Variants in CLSTN2 observed in about 807,000 individuals in gnomAD.
CLSTN2 encodes the protein calsyntenin 2.
In CLSTN2, 48 loss-of-function variants were observed where a neutral mutation model predicts 101.2. The ratio of observed to expected loss-of-function variants is 0.47; its 90% CI spans 0.38 to 0.60. The LOEUF is 0.60. CLSTN2 is among the 20% of genes least tolerant of loss of function. CLSTN2 has a pLI of 0.00. For synonymous variants in CLSTN2, 481 were observed against 463.6 expected (o/e 1.04, Z -0.48); for missense variants, 1,160 against 1,238.2 (o/e 0.94, Z 0.95).
At chr3:140,563,039 G>T (rs779385654) in intron 14 of CLSTN2, 41 bp from the exon 15 acceptor site, 2 of 1,612,212 alleles carry the variant, frequency 1.2e-6, no homozygotes, top group South Asian at 1.1e-5. Context: ...TGGCCCACCT[G>T]CCACTCCTGG....
intron 2 of CLSTN2, among the ~76,000 whole-genome samples, chr3:140,343,636 A>G (rs2107937677): frequency 6.6e-6 from 1 of 152,350 alleles, no homozygotes; most frequent in South Asian, 2.1e-4. Context: ...TCTATATTAG[A>G]AGCTTGTGAG....
At chr3:139,953,931 T>TTGTGTGTGTGTGTGTGTGTGTGTGTG in intron 1 of CLSTN2, among the ~76,000 whole-genome samples, 1 of 147,494 alleles carries the variant, frequency 6.8e-6, no homozygotes, top group African/African-American at 2.5e-5. Flanking sequence ...GTGTGTGTGT[T>TTGTGTGTGTGTGTGTGTGTGTGTGTG]TGTGTGTGTG....
chr3:140,415,127 A>C (rs975382069), intron 4 of CLSTN2, among the ~76,000 whole-genome samples: 1 of 152,102 alleles, frequency 6.6e-6, no homozygotes, highest in Admixed American at 6.6e-5. Context: ...AAAACTGGAT[A>C]TCCACAAGCA....
intron 1 of CLSTN2, among the ~76,000 whole-genome samples, chr3:140,107,497 G>C (rs1330389853): frequency 6.6e-6 from 1 of 152,176 alleles, no homozygotes; most frequent in African/African-American, 2.4e-5. Context: ...CTCAATGTGA[G>C]TGCAGACTCA....
At chr3:140,554,568 T>G (rs1174132498) in intron 10 of CLSTN2, among the ~76,000 whole-genome samples, 1 of 152,216 alleles carries the variant, frequency 6.6e-6, no homozygotes, top group Non-Finnish European at 1.5e-5. Flanking sequence ...GGAAGGAGTA[T>G]GTGTTGATAT....
At chr3:140,467,039 C>A (rs1158915197) in intron 8 of CLSTN2, among the ~76,000 whole-genome samples, 1 of 152,170 alleles carries the variant, frequency 6.6e-6, no homozygotes, top group Non-Finnish European at 1.5e-5. Flanking sequence ...ATCCCCAGGC[C>A]CAGTTACGAT....
intron 2 of CLSTN2, among the ~76,000 whole-genome samples, chr3:140,191,327 G>T (rs1451490143): frequency 6.6e-6 from 1 of 151,864 alleles, no homozygotes; most frequent in Non-Finnish European, 1.5e-5. Context: ...GTTTTAGTGA[G>T]AATTTTTTAA....
At chr3:140,107,390 T>A (rs2009077698) in intron 1 of CLSTN2, among the ~76,000 whole-genome samples, 1 of 152,104 alleles carries the variant, frequency 6.6e-6, no homozygotes, top group African/African-American at 2.4e-5. Context: ...TAGGAACAGT[T>A]CCTGATGTCA....
At chr3:140,454,302 T>C (rs1355734645) in intron 6 of CLSTN2, 1 of 152,246 alleles carries the variant, frequency 6.6e-6, no homozygotes, top group Non-Finnish European at 1.5e-5. Context: ...TAGGTATCCA[T>C]GGCTCTCACT....
At chr3:139,940,122 C>A (rs1482750143) in intron 1 of CLSTN2, among the ~76,000 whole-genome samples, 1 of 152,216 alleles carries the variant, frequency 6.6e-6, no homozygotes, top group Non-Finnish European at 1.5e-5. Flanking sequence ...GTGCTAGAGG[C>A]TCATTCTGAC....
intron 2 of CLSTN2, among the ~76,000 whole-genome samples, chr3:140,286,876 G>A (rs142828839): frequency 1.0e-3 from 152 of 152,278 alleles, no homozygotes; most frequent in Admixed American, 1.9e-3. Context: ...GGAGGTAAGC[G>A]ATGATGTTTC....
intron 1 of CLSTN2, among the ~76,000 whole-genome samples, chr3:139,968,754 T>C (rs1315577741): frequency 1.3e-5 from 2 of 152,198 alleles, no homozygotes; most frequent in Non-Finnish European, 2.9e-5. Context: ...AGGTAGAATA[T>C]ATTGCTGCAT....
chr3:140,486,435 C>T (rs1009834684), intron 8 of CLSTN2, among the ~76,000 whole-genome samples: 2 of 151,954 alleles, frequency 1.3e-5, no homozygotes, highest in South Asian at 2.1e-4. Flanking sequence ...AGAACAACAA[C>T]AAAAAAAGGA....
intron 1 of CLSTN2, among the ~76,000 whole-genome samples, chr3:140,111,793 A>T (rs185967610): frequency 6.3e-4 from 96 of 152,272 alleles, no homozygotes; most frequent in Middle Eastern, 3.4e-3. Flanking sequence ...TCATTTATAG[A>T]CTGCCCCCTC....
intron 1 of CLSTN2, among the ~76,000 whole-genome samples, chr3:139,941,704 G>A (rs951717088): frequency 6.6e-6 from 1 of 152,164 alleles, no homozygotes; most frequent in Admixed American, 6.5e-5. Context: ...TCAGGGGCAG[G>A]GGTTTGCACT....
intron 4 of CLSTN2, among the ~76,000 whole-genome samples, chr3:140,407,347 G>C (rs950524893): frequency 6.6e-6 from 1 of 152,126 alleles, no homozygotes; most frequent in African/African-American, 2.4e-5. Context: ...CTCTGCTTGT[G>C]GGGTAAAGAA....
At chr3:140,325,381 T>C (rs541219147) in intron 2 of CLSTN2, among the ~76,000 whole-genome samples, 5 of 152,300 alleles carry the variant, frequency 3.3e-5, no homozygotes, top group Admixed American at 1.3e-4. Flanking sequence ...AGGGCCAGTA[T>C]GATGTGAAGG....
rs961274055 is a variant in CLSTN2, at chr3:140,207,286, T to C, written c.232+31213T>C. On this transcript the variant is annotated intron_variant, in intron 2 of 16. Coordinates refer to ENST00000458420, the MANE Select transcript of CLSTN2 (RefSeq NM_022131.3). ...CCCAGAATCATTATGTATGCCTTAG[T>C]AAGAAACTTCACCTCTCTAAATGCC... 3.3e-5 allele frequency among the ~76,000 whole-genome samples: 5 copies of C among 152,244 alleles called. No individual in the cohort carries two copies. In the East Asian group the frequency reaches 9.6e-4, roughly 29 times the overall value.
At chr3:140,089,972 T>A (rs1003295615) in intron 1 of CLSTN2, among the ~76,000 whole-genome samples, 6 of 35,702 alleles carry the variant, frequency 1.7e-4, no homozygotes, top group East Asian at 1.2e-3. Context: ...TAGGATTGGC[T>A]TTTTTTTTTT....
Sources: allele counts gnomAD v4.1 joint callset (sites outside exome capture counted in the v4.1 genomes callset), GRCh38; gene constraint gnomAD v4.1.1; transcripts MANE v1.5; gene names NCBI Gene and HGNC (gene_info 2026-07-23, HGNC 2026-07-21).